The following TMEM117 variants were observed in gnomAD, a reference collection of about 807,000 sequenced individuals.
TMEM117 encodes transmembrane protein 117.
In TMEM117, 27 loss-of-function variants were observed where a neutral mutation model predicts 52.4. The ratio of observed to expected loss-of-function variants is 0.51; its 90% CI spans 0.38 to 0.71. The LOEUF (loss-of-function observed/expected upper bound fraction) is 0.71, where lower values mean the gene tolerates loss of function less well. Ranked by LOEUF, TMEM117 falls within the 30% of genes least tolerant of loss-of-function variation. TMEM117 has a pLI of 0.00. For synonymous variants in TMEM117, 215 were observed against 206.3 expected (o/e 1.04, Z -0.36); for missense variants, 556 against 630.5 (o/e 0.88, Z 1.26).
chr12:44,280,901 C>G (rs1950569098), intron 5 of TMEM117, among the ~76,000 whole-genome samples: 1 of 149,482 alleles, frequency 6.7e-6, no homozygotes, highest in East Asian at 2.0e-4. Flanking sequence ...GATGATTTGC[C>G]TTTAAAATGC....
intron 3 of TMEM117, among the ~76,000 whole-genome samples, chr12:44,084,314 A>G (rs1947531285): frequency 6.6e-6 from 1 of 152,194 alleles, no homozygotes; most frequent in African/African-American, 2.4e-5. Context: ...ATGGAACAAA[A>G]AAGTTCAGAA....
chr12:43,850,881 A>G (rs995122621), intron 2 of TMEM117, among the ~76,000 whole-genome samples: 1 of 152,168 alleles, frequency 6.6e-6, no homozygotes, highest in Non-Finnish European at 1.5e-5. Context: ...GGTGATGATG[A>G]TGATGATGAT....
chr12:44,060,103 C>G (rs1947115960), intron 3 of TMEM117, among the ~76,000 whole-genome samples: 1 of 152,142 alleles, frequency 6.6e-6, no homozygotes, highest in South Asian at 2.1e-4. Context: ...TAACATGCAA[C>G]AGTAGTATCT....
chr12:44,114,881 C>G (rs768417784), intron 3 of TMEM117, among the ~76,000 whole-genome samples: 1 of 152,132 alleles, frequency 6.6e-6, no homozygotes, highest in Non-Finnish European at 1.5e-5. Flanking sequence ...TCTAGACATT[C>G]TAGTTTGGTG....
chr12:43,804,232 G>C, the TMEM117 span: 1 of 489,728 alleles, frequency 2.0e-6, no homozygotes. Flanking sequence ...ATGGACTGTG[G>C]TGCAGAAACT....
At chr12:44,283,268 C>T (rs138605981) in intron 5 of TMEM117, among the ~76,000 whole-genome samples, 40 of 152,282 alleles carry the variant, frequency 2.6e-4, no homozygotes, top group Admixed American at 1.0e-3. Flanking sequence ...GGGCCACCGT[C>T]CTTCAGAACC....
chr12:43,797,613 C>A, the TMEM117 span: 1 of 1,470,786 alleles, frequency 6.8e-7, no homozygotes, highest in Non-Finnish European at 9.1e-7. Context: ...AATCAGAAAG[C>A]TATTTAAAAT....
intron 3 of TMEM117, among the ~76,000 whole-genome samples, chr12:44,075,224 T>A (rs1947363220): frequency 6.6e-6 from 1 of 152,186 alleles, no homozygotes. Context: ...ATGGTGGGGA[T>A]GTTGTATTAG....
chr12:44,148,425 AAT>A (rs1325782262), intron 4 of TMEM117, among the ~76,000 whole-genome samples: 1 of 152,198 alleles, frequency 6.6e-6, no homozygotes, highest in African/African-American at 2.4e-5. Flanking sequence ...ATCTAGCAAG[AAT>A]ATGATTTTAG....
intron 2 of TMEM117, among the ~76,000 whole-genome samples, chr12:43,870,300 G>A (rs1163933954): frequency 6.7e-6 from 1 of 149,642 alleles, no homozygotes; most frequent in Admixed American, 6.7e-5. Context: ...TAGGCCTGTC[G>A]CCAGGCTGGA....
intron 5 of TMEM117, among the ~76,000 whole-genome samples, chr12:44,246,976 T>C (rs1258747101): frequency 2.0e-5 from 3 of 152,200 alleles, no homozygotes; most frequent in East Asian, 3.9e-4. Context: ...TTATTTTTAA[T>C]CATCTCAAGA....
chr12:43,865,326 C>T (rs1943572004), intron 2 of TMEM117, among the ~76,000 whole-genome samples: 1 of 152,132 alleles, frequency 6.6e-6, no homozygotes, highest in African/African-American at 2.4e-5. Flanking sequence ...GGCATTGAAA[C>T]CCCAGAAGGG....
chr12:44,003,716 C>G (rs1289142180), intron 3 of TMEM117, among the ~76,000 whole-genome samples: 1 of 152,202 alleles, frequency 6.6e-6, no homozygotes, highest in African/African-American at 2.4e-5. Context: ...GTTTATGTCT[C>G]TTAGCCATGT....
intron 4 of TMEM117, among the ~76,000 whole-genome samples, chr12:44,204,207 T>C (rs12297754): frequency 0.24 from 37,017 of 152,050 alleles, 7,993 homozygotes; most frequent in African/African-American, 0.58. Flanking sequence ...TGATAAACAA[T>C]TTCTGTAAAG....
chr12:43,845,031 A>G, intron 2 of TMEM117, 103 bp downstream of exon 2: 4 of 1,353,776 alleles, frequency 3.0e-6, no homozygotes, highest in Non-Finnish European at 4.0e-6. Context: ...GAGGCATTTT[A>G]GTTTGTCCTC....
At chr12:43,982,258 G>A (rs183747796) in intron 3 of TMEM117, among the ~76,000 whole-genome samples, 1 of 152,278 alleles carries the variant, frequency 6.6e-6, no homozygotes, top group East Asian at 1.9e-4. Flanking sequence ...AGCTAAAATA[G>A]TTTCCCCGAG....
chr12:44,368,622 G>C (rs56147425), intron 6 of TMEM117, among the ~76,000 whole-genome samples: 2,255 of 152,134 alleles, frequency 0.015, 72 homozygotes, highest in African/African-American at 0.051. Context: ...TAGCCCATAG[G>C]AGAAATTAGT....
chr12:44,359,699 A>G (rs1951696720), intron 6 of TMEM117, among the ~76,000 whole-genome samples: 1 of 152,058 alleles, frequency 6.6e-6, no homozygotes, highest in African/African-American at 2.4e-5. Flanking sequence ...CGGGAATAGA[A>G]TTACCAGATT....
chr12:44,084,026 G>T (rs1057416304), intron 3 of TMEM117, among the ~76,000 whole-genome samples: 3 of 152,096 alleles, frequency 2.0e-5, no homozygotes, highest in African/African-American at 7.2e-5. Flanking sequence ...CTCTAAAGCA[G>T]TACGTTTTAT....
Sources: gnomAD v4.1 joint callset for allele counts (sites outside exome capture counted in the v4.1 genomes callset) on GRCh38, gnomAD v4.1.1 for gene constraint, MANE v1.5 for transcripts, NCBI Gene and HGNC (gene_info 2026-07-23, HGNC 2026-07-21) for gene names.